Variants in KIF13B observed in about 807,000 individuals in gnomAD.
The protein encoded by KIF13B is kinesin-like protein KIF13B.
Under a neutral mutation model 222.0 loss-of-function variants are expected in KIF13B, and 127 were observed. The observed-to-expected ratio is 0.57, with a 90% CI of 0.50 to 0.66. The LOEUF (loss-of-function observed/expected upper bound fraction) is 0.66, where lower values mean the gene tolerates loss of function less well. Ranked by LOEUF, KIF13B falls within the 30% of genes least tolerant of loss-of-function variation. The pLI, the probability that KIF13B is intolerant of heterozygous loss-of-function variation, is 0.00. For missense variants in KIF13B, 2,173 were observed against 2,379.0 expected (o/e 0.91, Z 1.80); for synonymous variants, 976 against 919.0 (o/e 1.06, Z -1.12).
chr8:29,110,633 G>A (rs58680335), intron 32 of KIF13B: 18,802 of 153,428 alleles, frequency 0.12, 1,281 homozygotes, highest in Middle Eastern at 0.16. Context: ...AGTGGCAGTG[G>A]CCAAAGGCCT....
chr8:29,158,420 G>A (rs902983913), intron 13 of KIF13B, among the ~76,000 whole-genome samples: 1 of 152,196 alleles, frequency 6.6e-6, no homozygotes, highest in East Asian at 1.9e-4. Flanking sequence ...TAATGATTCT[G>A]AAGTATGCTA....
chr8:29,128,560 C>G (rs143742148), intron 24 of KIF13B, among the ~76,000 whole-genome samples: 1,559 of 152,298 alleles, frequency 0.01, 15 homozygotes, highest in African/African-American at 0.022. Flanking sequence ...ACAGTTTTGT[C>G]ATTTCAATTA....
chr8:29,216,377 A>C (rs28469608), intron 2 of KIF13B, among the ~76,000 whole-genome samples: 1,592 of 152,280 alleles, frequency 0.01, 27 homozygotes, highest in African/African-American at 0.036. Context: ...CAGGCAGATC[A>C]CTTGAGGTCA....
At chr8:29,249,371 A>G (rs1294432674) in intron 1 of KIF13B, among the ~76,000 whole-genome samples, 1 of 150,794 alleles carries the variant, frequency 6.6e-6, no homozygotes, top group Non-Finnish European at 1.5e-5. Context: ...TGGAGGTTGC[A>G]GTGAGCCAAG....
intron 2 of KIF13B, among the ~76,000 whole-genome samples, chr8:29,222,078 G>A (rs573433422): frequency 6.6e-6 from 1 of 152,082 alleles, no homozygotes; most frequent in South Asian, 2.1e-4. Context: ...CAGGCACAGT[G>A]GCTCCCGACT....
chr8:29,071,765 G>T lies in KIF13B; in HGVS notation c.5073C>A (p.Ser1691=). ...ACTCCGGGACCTCGTCAGCTTCCTC[G>T]GAATCAGAGGCCAGGGCCTGTCCCC... ...GAGGQALASD[S]EEADEVPEWL... is the part of the protein sequence containing the mutation. Residue 1691 remains serine, a synonymous_variant, in exon 39 of 40, where the codon TCC becomes TCA. Transcript: ENST00000524189. The surrounding 1 kb of genome is among the most constrained non-coding windows in gnomAD (Gnocchi z 4.9). 1 of 1,549,290 alleles carries T rather than the reference G, an allele frequency of 6.5e-7. No homozygotes were observed. The highest frequency in any genetic ancestry group is 8.7e-7 in the Non-Finnish European group (1 of 1,146,616).
intron 2 of KIF13B, among the ~76,000 whole-genome samples, chr8:29,200,741 C>G (rs1280246903): frequency 6.6e-6 from 1 of 152,184 alleles, no homozygotes; most frequent in Non-Finnish European, 1.5e-5. Context: ...CTCCTCCAAC[C>G]TGGGGCACTT....
chr8:29,195,831 G>A (rs1250855454), intron 3 of KIF13B, among the ~76,000 whole-genome samples: 1 of 152,254 alleles, frequency 6.6e-6, no homozygotes, highest in African/African-American at 2.4e-5. Flanking sequence ...AGGCCGCGCA[G>A]GTTTCTGTTG....
At chr8:29,194,751 G>A (rs1813343359) in intron 3 of KIF13B, among the ~76,000 whole-genome samples, 1 of 152,142 alleles carries the variant, frequency 6.6e-6, no homozygotes, top group African/African-American at 2.4e-5. Context: ...TAACATAGAA[G>A]CATAAAGGAA....
At chr8:29,258,818 C>T (rs1280970002) in intron 1 of KIF13B, among the ~76,000 whole-genome samples, 1 of 152,204 alleles carries the variant, frequency 6.6e-6, no homozygotes, top group Non-Finnish European at 1.5e-5. Context: ...TAACTAGCAG[C>T]CTGCTACAGC....
At chr8:29,134,575 T>C (rs1810478433) in intron 21 of KIF13B, among the ~76,000 whole-genome samples, 1 of 152,196 alleles carries the variant, frequency 6.6e-6, no homozygotes, top group South Asian at 2.1e-4. Flanking sequence ...ACCATGGATA[T>C]GCCATAGAAC....
At chr8:29,177,137 G>A (rs919021619) in intron 9 of KIF13B, among the ~76,000 whole-genome samples, 1 of 152,058 alleles carries the variant, frequency 6.6e-6, no homozygotes, top group Non-Finnish European at 1.5e-5. Flanking sequence ...ACCTGGGGGT[G>A]GGGGAAGAGG....
intron 2 of KIF13B, among the ~76,000 whole-genome samples, chr8:29,233,469 A>C (rs1237345022): frequency 6.6e-6 from 1 of 152,252 alleles, no homozygotes; most frequent in Admixed American, 6.5e-5. Flanking sequence ...CATTTACGTG[A>C]CATTGCTTAT....
In KIF13B at chr8:29,117,003, T is replaced by C; in HGVS notation, c.3665A>G (p.Lys1222Arg). 1.3e-6 allele frequency: 2 copies of C among 1,573,946 alleles called. No individual in the cohort carries two copies. The highest frequency in any genetic ancestry group is 1.7e-6 in the Non-Finnish European group (2 of 1,153,960). ...CGCGGAGTCCCAGGAGGCTTCTGCT[T>C]TCACCTGGAGAGAAGACAGAGAGGA... ...QIVKQHDGEV[K>R]AEASWDSAVH... The change falls in exon 31 of 40, where the codon AAA (lysine) becomes AGA (arginine). Residue 1222 changes from lysine to arginine, a missense_variant. By Grantham distance (26) the Lys-to-Arg change is conservative. This residue lies in a region of KIF13B where 1,480 missense variants were observed against 1,722.8 expected (regional missense o/e 0.86). Coordinates refer to ENST00000524189, the MANE Select transcript of KIF13B (RefSeq NM_015254.4).
At chr8:29,157,598 G>C (rs978074445) in intron 13 of KIF13B, among the ~76,000 whole-genome samples, 12 of 151,774 alleles carry the variant, frequency 7.9e-5, no homozygotes, top group African/African-American at 2.7e-4. Flanking sequence ...ATAGCTACTC[G>C]GGAGGCTGAG....
chr8:29,087,717 G>A (rs1808105224), intron 37 of KIF13B, among the ~76,000 whole-genome samples: 1 of 152,082 alleles, frequency 6.6e-6, no homozygotes. Flanking sequence ...CTCATTTCTG[G>A]ACTCCTCACT....
chr8:29,134,504 G>A (rs192415871), intron 21 of KIF13B, among the ~76,000 whole-genome samples: 12 of 152,254 alleles, frequency 7.9e-5, no homozygotes, highest in South Asian at 2.1e-4. Flanking sequence ...TCATCATCTC[G>A]TTAATTCAGA....
At position 29,196,733 on chromosome 8, in the gene KIF13B, C is replaced by T. The variant is rs528819990; in HGVS notation, c.150-534G>A. ...CCAGCTGAGTATCCCTCATCCAAAA[C>T]GCTTGAAGTGTTTTGGGTTTCGTAT... On this transcript the variant is annotated intron_variant, in intron 2 of 39. Coordinates refer to ENST00000524189, the MANE Select transcript of KIF13B (RefSeq NM_015254.4). Among the ~76,000 whole-genome samples the T allele has an allele frequency of 3.8e-4, 58 of 152,248 alleles. 1 individual carries two copies. Among genetic ancestry groups the T allele is most frequent in the African/African-American group, 1.4e-3 (57 of 41,534 alleles).
Position 29,070,450 on chromosome 8 carries a change from C to A in KIF13B, c.*54G>T, listed in dbSNP as rs1324982491. 2 of 1,587,340 alleles carry A rather than the reference C, an allele frequency of 1.3e-6. No individual in the cohort carries two copies. The highest frequency in any genetic ancestry group is 1.7e-6 in the Non-Finnish European group (2 of 1,166,602). Reference sequence around the variant, plus strand: ...CCTGGCTCCTCAGGGCTGTCACTGGCAGGGCTCAAAAGGGGCCGGGCACCC... The same window carrying A: ...CCTGGCTCCTCAGGGCTGTCACTGGAAGGGCTCAAAAGGGGCCGGGCACCC... On this transcript the variant is annotated 3_prime_UTR_variant, in exon 40 of 40. Transcript: ENST00000524189. The surrounding 1 kb of genome is among the most constrained non-coding windows in gnomAD (Gnocchi z 4.1).
Sources: allele counts gnomAD v4.1 joint callset (sites outside exome capture counted in the v4.1 genomes callset), GRCh38; gene constraint gnomAD v4.1.1; regional missense constraint gnomAD v4.1.1; non-coding constraint Gnocchi (gnomAD v3.1); transcripts MANE v1.5; gene names NCBI Gene and HGNC (gene_info 2026-07-23, HGNC 2026-07-21).